The following XKR9 variants were observed in gnomAD, a reference collection of about 807,000 sequenced individuals.
The protein encoded by XKR9 is XK related 9.
In XKR9, 32 loss-of-function variants were observed where a neutral mutation model predicts 32.0. The observed-to-expected ratio is 1.00, with a 90% CI of 0.76 to 1.34. The LOEUF (loss-of-function observed/expected upper bound fraction) is 1.34, where lower values mean the gene tolerates loss of function less well. XKR9 is among the 40% of genes most tolerant of loss of function. XKR9 has a pLI of 0.00. For synonymous variants in XKR9, 168 were observed against 143.4 expected (o/e 1.17, Z -1.22); for missense variants, 546 against 429.7 (o/e 1.27, Z -2.39).
chr8:70,757,643 G>A (rs902796633), intron 2 of XKR9, among the ~76,000 whole-genome samples: 3 of 152,068 alleles, frequency 2.0e-5, no homozygotes, highest in African/African-American at 7.2e-5. Flanking sequence ...CTGGCATGTG[G>A]TGCCGCAATC....
the XKR9 span, among the ~76,000 whole-genome samples, chr8:70,906,040 C>T: frequency 6.6e-6 from 1 of 152,218 alleles, no homozygotes; most frequent in African/African-American, 2.4e-5. Flanking sequence ...TCGGCCACTA[C>T]TGGGAGGCAT....
chr8:70,790,769 T>A (rs1016819386), downstream of XKR9, among the ~76,000 whole-genome samples: 1 of 152,132 alleles, frequency 6.6e-6, no homozygotes, highest in Non-Finnish European at 1.5e-5. Context: ...ACTTTTGGAT[T>A]CCTATATCAA....
the XKR9 span, among the ~76,000 whole-genome samples, chr8:70,929,692 A>G: frequency 6.6e-6 from 1 of 152,224 alleles, no homozygotes. Context: ...TAGTCTTTGC[A>G]CATGGCCACT....
chr8:70,730,636 C>G (rs1806632261), intron 4 of XKR9, among the ~76,000 whole-genome samples: 1 of 151,840 alleles, frequency 6.6e-6, no homozygotes, highest in South Asian at 2.1e-4. Context: ...AAGGAAAATT[C>G]AAGACAGGAA....
At chr8:70,884,355 G>C in the XKR9 span, among the ~76,000 whole-genome samples, 80 of 152,182 alleles carry the variant, frequency 5.3e-4, no homozygotes, top group African/African-American at 1.8e-3. Flanking sequence ...GTCTTTTGTA[G>C]AGCAGAAGTT....
chr8:70,951,190 A>G, the XKR9 span, among the ~76,000 whole-genome samples: 1 of 152,244 alleles, frequency 6.6e-6, no homozygotes, highest in Non-Finnish European at 1.5e-5. Context: ...CAGCTTCTAG[A>G]AGAGGTCTTT....
chr8:70,673,703 T>TGCAGTGAGCTGAGATCGCG (rs1314430732), intron 1 of XKR9, among the ~76,000 whole-genome samples: 2 of 151,936 alleles, frequency 1.3e-5, no homozygotes, highest in Non-Finnish European at 2.9e-5. Context: ...AGGCGGAGGT[T>TGCAGTGAGCTGAGATCGCG]GCAGTGAGCT....
the XKR9 span, among the ~76,000 whole-genome samples, chr8:70,949,966 C>G: frequency 6.6e-6 from 1 of 152,182 alleles, no homozygotes; most frequent in Non-Finnish European, 1.5e-5. Context: ...GTAGCAGTGC[C>G]TGCAAGGCTC....
chr8:70,766,973 T>C (rs574762419), intron 2 of XKR9, among the ~76,000 whole-genome samples: 354 of 152,346 alleles, frequency 2.3e-3, no homozygotes, highest in African/African-American at 8.3e-3. Context: ...GATAAGCTTT[T>C]TGATGTGCTG....
the XKR9 span, among the ~76,000 whole-genome samples, chr8:70,924,670 A>C: frequency 2.6e-5 from 4 of 152,174 alleles, no homozygotes; most frequent in African/African-American, 9.7e-5. Context: ...GACTGTGGAA[A>C]AGTTTCTCTC....
At chr8:71,014,249 T>C in the XKR9 span, among the ~76,000 whole-genome samples, 2 of 152,220 alleles carry the variant, frequency 1.3e-5, no homozygotes, top group Non-Finnish European at 2.9e-5. Flanking sequence ...TATTTAAAAC[T>C]CAAACACACT....
intron 2 of XKR9, among the ~76,000 whole-genome samples, chr8:70,770,637 A>G (rs1388297652): frequency 6.6e-6 from 1 of 152,160 alleles, no homozygotes. Context: ...TAGAGAGGCA[A>G]TCTGGCTACA....
At chr8:70,873,934 T>A in the XKR9 span, among the ~76,000 whole-genome samples, 48,298 of 152,046 alleles carry the variant, frequency 0.32, 9,007 homozygotes, top group Non-Finnish European at 0.43. Flanking sequence ...AATTGCCACA[T>A]CATCCCAATC....
chr8:70,965,499 G>T, the XKR9 span, among the ~76,000 whole-genome samples: 3 of 152,230 alleles, frequency 2.0e-5, no homozygotes, highest in South Asian at 2.1e-4. Context: ...GTTTTCAATT[G>T]TTTGGAATTG....
At chr8:70,839,968 T>A in the XKR9 span, among the ~76,000 whole-genome samples, 2 of 152,280 alleles carry the variant, frequency 1.3e-5, no homozygotes, top group Admixed American at 6.5e-5. Context: ...TTTCAGCTAT[T>A]ATCTCATCTC....
chr8:70,693,078 C>T (rs750904404), intron 3 of XKR9, among the ~76,000 whole-genome samples: 12 of 152,096 alleles, frequency 7.9e-5, no homozygotes, highest in Non-Finnish European at 1.5e-4. Context: ...CATCCCGGGG[C>T]GAAACCTACT....
chr8:70,700,361 G>A (rs559577749), intron 3 of XKR9, among the ~76,000 whole-genome samples: 1 of 152,216 alleles, frequency 6.6e-6, no homozygotes, highest in African/African-American at 2.4e-5. Context: ...TGGGTTTTTG[G>A]TGTGGATGTC....
intron 4 of XKR9, among the ~76,000 whole-genome samples, chr8:70,716,078 A>G (rs915165094): frequency 1.3e-5 from 2 of 152,074 alleles, no homozygotes; most frequent in African/African-American, 4.8e-5. Flanking sequence ...CTTAAGAGCA[A>G]CTGGCTTAGA....
At chr8:71,024,284 G>T in the XKR9 span, among the ~76,000 whole-genome samples, 3 of 152,336 alleles carry the variant, frequency 2.0e-5, no homozygotes, top group African/African-American at 7.2e-5. Context: ...GGCTCCTTTT[G>T]TCCTTGGCAG....
Sources: gnomAD v4.1 joint callset for allele counts (sites outside exome capture counted in the v4.1 genomes callset) on GRCh38, gnomAD v4.1.1 for gene constraint, MANE v1.5 for transcripts, NCBI Gene and HGNC (gene_info 2026-07-23, HGNC 2026-07-21) for gene names.